JAKMIP1: variants seen among roughly 807,000 people sequenced by gnomAD.
The protein encoded by JAKMIP1 is janus kinase and microtubule interacting protein 1, also known as janus kinase and microtubule-interacting protein 1.
A neutral mutation model predicts 113.0 loss-of-function variants in JAKMIP1; 33 were observed. The ratio of observed to expected loss-of-function variants is 0.29; its 90% CI spans 0.22 to 0.39. The LOEUF is 0.39. JAKMIP1 is among the 10% of genes least tolerant of loss of function. JAKMIP1 has a pLI of 1.00. For synonymous variants in JAKMIP1, 480 were observed against 459.9 expected (o/e 1.04, Z -0.56); for missense variants, 813 against 1,080.5 (o/e 0.75, Z 3.47).
chr4:6,104,114 C>T (rs540104480), intron 3 of JAKMIP1, among the ~76,000 whole-genome samples: 2 of 152,316 alleles, frequency 1.3e-5, no homozygotes, highest in East Asian at 3.9e-4. Flanking sequence ...GGACTAATTA[C>T]AACCCACAAA....
rs1472946153 is a variant in JAKMIP1 at position 6,138,389 on chromosome 4, A to G, written c.-147-25392T>C. ...CAGCTTTCCAAGTAGCTGGGATTACACCACACCTGGCTCATTTTTGTATTT... is the reference window on the plus strand; with the variant it reads ...CAGCTTTCCAAGTAGCTGGGATTACGCCACACCTGGCTCATTTTTGTATTT... On this transcript the variant is annotated intron_variant, in intron 1 of 20. Transcript: ENST00000409021. This position sits in a 1 kb window ranked among gnomAD's most constrained non-coding sequence, Gnocchi z 6.0. Among the ~76,000 whole-genome samples the G allele has an allele frequency of 6.6e-6, 1 of 151,944 alleles. No homozygotes were observed. The highest frequency in any genetic ancestry group is 1.9e-4 in the East Asian group (1 of 5,170).
At position 6,140,406 on chromosome 4, in the gene JAKMIP1, CA is replaced by C; in HGVS notation, c.-147-27410del. Among the ~76,000 whole-genome samples the C allele has an allele frequency of 6.6e-6, 1 of 152,230 alleles. No individual in the cohort carries two copies. Among genetic ancestry groups the C allele is most frequent in the South Asian group, 2.1e-4 (1 of 4,822 alleles). On this transcript the variant is annotated intron_variant, in intron 1 of 20. Coordinates refer to ENST00000409021, the MANE Select transcript of JAKMIP1 (RefSeq NM_001099433.2). This position sits in a 1 kb window ranked among gnomAD's most constrained non-coding sequence, Gnocchi z 9.4. The stretch of plus-strand genomic sequence containing the variant: ...AGCAGGAGCACTGTCCCTGTTCCCC[CA>C]AAAGGCCCACCACAGACCCACCCCA...
intron 1 of JAKMIP1, among the ~76,000 whole-genome samples, chr4:6,117,460 G>A (rs1715974284): frequency 6.6e-6 from 1 of 152,056 alleles, no homozygotes; most frequent in South Asian, 2.1e-4. Context: ...ACTTAACAGG[G>A]TAATAGAATA....
chr4:6,082,565 G>A (rs1413960782), intron 5 of JAKMIP1, among the ~76,000 whole-genome samples: 4 of 151,860 alleles, frequency 2.6e-5, no homozygotes, highest in Admixed American at 6.6e-5. Flanking sequence ...GTGCCGTGGC[G>A]TGATTTCAGC....
At position 6,129,423 on chromosome 4, in the gene JAKMIP1, T is replaced by C. The variant is rs557883505; in HGVS notation, c.-147-16426A>G. Among the ~76,000 whole-genome samples, 28 of 152,170 alleles carry C rather than the reference T, an allele frequency of 1.8e-4. No homozygotes were observed. The highest frequency in any genetic ancestry group is 2.8e-4 in the Non-Finnish European group (19 of 67,994). ...GCTCTTGGATAAACAAAGCCATGAG[T>C]GTTTGATCTCTATGATCTACAAGGT... On this transcript the variant is annotated intron_variant, in intron 1 of 20. Coordinates refer to ENST00000409021, the MANE Select transcript of JAKMIP1 (RefSeq NM_001099433.2). This position sits in a 1 kb window ranked among gnomAD's most constrained non-coding sequence, Gnocchi z 5.4.
At chr4:6,119,572 A>ACAACAAC (rs113983857) in intron 1 of JAKMIP1, among the ~76,000 whole-genome samples, 4 of 150,682 alleles carry the variant, frequency 2.7e-5, no homozygotes, top group Non-Finnish European at 4.4e-5. Flanking sequence ...AACAACAACA[A>ACAACAAC]AAAAAAACCA....
rs576768795 is a variant in JAKMIP1 at position 6,064,120 on chromosome 4, G to A, written c.1431+760C>T. On this transcript the variant is annotated intron_variant, in intron 9 of 20. Coordinates refer to ENST00000409021, the MANE Select transcript of JAKMIP1 (RefSeq NM_001099433.2). This position sits in a 1 kb window ranked among gnomAD's most constrained non-coding sequence, Gnocchi z 4.3. ...TAGGGAAACAGCAGCCAAGCCTGAC[G>A]CAGGCCCTGGTGGGGAGCAAGGGGA... is the stretch of plus-strand genomic sequence containing the variant. Among the ~76,000 whole-genome samples the A allele has an allele frequency of 5.3e-4, 80 of 152,338 alleles. No homozygotes were observed. The highest frequency in any genetic ancestry group is 1.8e-3 in the African/African-American group (75 of 41,580).
At position 6,049,952 on chromosome 4, in the gene JAKMIP1, T is replaced by C; in HGVS notation, c.1909-80A>G. On this transcript the variant is annotated intron_variant, in intron 14 of 20. Transcript: ENST00000409021. This position sits in a 1 kb window ranked among gnomAD's most constrained non-coding sequence, Gnocchi z 7.0. The stretch of plus-strand genomic sequence containing the variant: ...CAATTTCTAGGGCCACGGCCTTTCC[T>C]CTGGACAAGACACCGCGCTCTTTCT... The C allele has an allele frequency of 1.0e-6, 1 of 999,634 alleles. No homozygotes were observed. Among genetic ancestry groups the C allele is most frequent in the Non-Finnish European group, 1.6e-6 (1 of 636,228 alleles). 61.9% of individuals were successfully genotyped at this position (999,634 alleles called of 1,614,324 possible).
Position 6,112,835 on chromosome 4 carries a change from G to T in JAKMIP1, c.16C>A (p.Arg6=). ...ATCTCGGGCTTCTCGCCCTTGCTCC[G>T]GCCTTTCTTCGACATGCTTCCCCTT... MSKKG[R]SKGEKPEMET... The change falls in exon 2 of 21, where the codon CGG becomes AGG. Residue 6 remains arginine (R), a synonymous_variant. Coordinates refer to ENST00000409021, the MANE Select transcript of JAKMIP1 (RefSeq NM_001099433.2). The T allele has an allele frequency of 6.2e-7, 1 of 1,613,862 alleles. No individual in the cohort carries two copies.
rs538296302 is a variant in JAKMIP1, at chr4:6,179,234, C to G, written c.-148+21019G>C. On this transcript the variant is annotated intron_variant, in intron 1 of 20. Transcript: ENST00000409021. The surrounding 1 kb of genome is among the most constrained non-coding windows in gnomAD (Gnocchi z 4.5). ...TGGAGAGAGGGTGAGATTCTCATCT[C>G]AAAGCCCCAGATTCACTAACTCTAA... is the stretch of plus-strand genomic sequence containing the variant. Among the ~76,000 whole-genome samples the G allele has an allele frequency of 6.6e-6, 1 of 152,298 alleles. No homozygotes were observed. Among genetic ancestry groups the G allele is most frequent in the East Asian group, 1.9e-4 (1 of 5,176 alleles).
rs1376003139 is a variant in JAKMIP1 at position 6,167,242 on chromosome 4, C to A, written c.-148+33011G>T. Among the ~76,000 whole-genome samples the A allele has an allele frequency of 6.6e-6, 1 of 152,220 alleles. No individual in the cohort carries two copies. Among genetic ancestry groups the A allele is most frequent in the Middle Eastern group, 3.4e-3 (1 of 294 alleles). ...TGAGTCCACTTGGAGCACTCCCTCCCTCCCTCTTGCATCCAAGCAGTCCCC... is the reference window on the plus strand; with the variant it reads ...TGAGTCCACTTGGAGCACTCCCTCCATCCCTCTTGCATCCAAGCAGTCCCC... On this transcript the variant is annotated intron_variant, in intron 1 of 20. Coordinates refer to ENST00000409021, the MANE Select transcript of JAKMIP1 (RefSeq NM_001099433.2). The surrounding 1 kb of genome is among the most constrained non-coding windows in gnomAD (Gnocchi z 5.3).
rs1278353492 is a variant in JAKMIP1 at position 6,180,958 on chromosome 4, G to C, written c.-148+19295C>G. ...TTATTAACGTGCAAAGACCCCTTAA[G>C]AAGTCCCAGAAAAGGCCCCAGCCAT... On this transcript the variant is annotated intron_variant, in intron 1 of 20. Coordinates refer to ENST00000409021, the MANE Select transcript of JAKMIP1 (RefSeq NM_001099433.2). This position sits in a 1 kb window ranked among gnomAD's most constrained non-coding sequence, Gnocchi z 4.5. 6.6e-6 allele frequency among the ~76,000 whole-genome samples: 1 copy of C among 151,972 alleles called. No homozygotes were observed. The highest frequency in any genetic ancestry group is 1.9e-4 in the East Asian group (1 of 5,170).
chr4:6,144,627 C>A (rs1720591720), intron 1 of JAKMIP1, among the ~76,000 whole-genome samples: 1 of 152,150 alleles, frequency 6.6e-6, no homozygotes, highest in South Asian at 2.1e-4. Context: ...AGGATAAAAA[C>A]CACATGACCA....
In JAKMIP1 at chr4:6,094,517, C is replaced by T. The variant is rs182633919; in HGVS notation, c.625-8888G>A. ...TCCGGGGCCCCTGGGGTCTCAGGAA[C>T]TGCGGGCACCCAGCCTAGGCTGGTC... On this transcript the variant is annotated intron_variant, in intron 3 of 20. Transcript: ENST00000409021. This position sits in a 1 kb window ranked among gnomAD's most constrained non-coding sequence, Gnocchi z 4.2. Among the ~76,000 whole-genome samples, 1 of 152,210 alleles carries T rather than the reference C, an allele frequency of 6.6e-6. No individual in the cohort carries two copies. Among genetic ancestry groups the T allele is most frequent in the Non-Finnish European group, 1.5e-5 (1 of 68,036 alleles).
rs768570614 is a variant in JAKMIP1, at chr4:6,105,691, C to T, written c.406G>A (p.Ala136Thr). The change falls in exon 3 of 21, where the codon GCG becomes ACG. Residue 136 changes from alanine to threonine, a missense_variant. Transcript: ENST00000409021. ...DKVKTALLTEAREEARRAFDG... is the reference protein window; with the variant it reads ...DKVKTALLTETREEARRAFDG... ...AAGGCCCTGCGCGCCTCCTCGCGCG[C>T]CTCGGTCAGCAGCGCCGTCTTGACC... 3.2e-5 allele frequency: 52 copies of T among 1,603,290 alleles called. No homozygotes were observed. In the East Asian group the frequency reaches 1.2e-3, roughly 36 times the overall value.
At position 6,048,850 on chromosome 4, in the gene JAKMIP1, C is replaced by T; in HGVS notation, c.2028+7G>A. 6.2e-6 allele frequency: 10 copies of T among 1,612,644 alleles called. No homozygotes were observed. The highest frequency in any genetic ancestry group is 8.5e-6 in the Non-Finnish European group (10 of 1,178,648). The stretch of plus-strand genomic sequence containing the variant: ...GGTGTGAGCACAGAAATGCCGCTGG[C>T]TTCTACCTTTTCACACAGGGCAAGC... On this transcript the variant is annotated splice_region_variant and intron_variant, in intron 16 of 20. Coordinates refer to ENST00000409021, the MANE Select transcript of JAKMIP1 (RefSeq NM_001099433.2).
rs933297099 is a variant in JAKMIP1 at position 6,087,525 on chromosome 4, G to GA, written c.625-1897dup. The stretch of plus-strand genomic sequence containing the variant: ...TTTTAAAAGAAGACCACTAAAAACT[G>GA]AAAAAAATAACATAGAGATGAGAGA... On this transcript the variant is annotated intron_variant, in intron 3 of 20. Transcript: ENST00000409021. Among the ~76,000 whole-genome samples the GA allele has an allele frequency of 3.3e-5, 5 of 152,004 alleles. No individual in the cohort carries two copies. The East Asian group carries it at 5.8e-4, about 18-fold the overall frequency.
intron 1 of JAKMIP1, among the ~76,000 whole-genome samples, chr4:6,113,476 G>C (rs918555238): frequency 1.3e-5 from 2 of 152,198 alleles, no homozygotes; most frequent in African/African-American, 4.8e-5. Flanking sequence ...GGAGCAGGGC[G>C]TGAGGACCAC....
intron 1 of JAKMIP1, among the ~76,000 whole-genome samples, chr4:6,145,579 G>A (rs1578376676): frequency 6.6e-6 from 1 of 152,106 alleles, no homozygotes; most frequent in African/African-American, 2.4e-5. Context: ...AGAGATATTT[G>A]TGCACCATGT....
Sources: allele counts gnomAD v4.1 joint callset (sites outside exome capture counted in the v4.1 genomes callset), GRCh38; gene constraint gnomAD v4.1.1; non-coding constraint Gnocchi (gnomAD v3.1); transcripts MANE v1.5; gene names NCBI Gene and HGNC (gene_info 2026-07-23, HGNC 2026-07-21).